The following IFT88 variants were observed in gnomAD, a reference collection of about 807,000 sequenced individuals.
IFT88 encodes intraflagellar transport protein 88 homolog.
Under a neutral mutation model 119.5 loss-of-function variants are expected in IFT88, and 74 were observed. The ratio of observed to expected loss-of-function variants is 0.62; its 90% CI spans 0.51 to 0.75. The LOEUF is 0.75. Among genes scored for constraint, IFT88 ranks in the 30% least tolerant of loss-of-function variants. The pLI, the probability that IFT88 is intolerant of heterozygous loss-of-function variation, is 0.00. For missense variants in IFT88, 961 were observed against 977.7 expected, an observed-to-expected ratio of 0.98 and a Z score of 0.23; for synonymous variants, 279 against 316.7, an observed-to-expected ratio of 0.88 and a Z score of 1.26.
intron 24 of IFT88, among the ~76,000 whole-genome samples, chr13:20,687,335 G>T (rs534573454): frequency 1.3e-5 from 2 of 152,100 alleles, no homozygotes; most frequent in Non-Finnish European, 2.9e-5. Flanking sequence ...TTTGTGGGGC[G>T]AGCCAAACTG....
intron 3 of IFT88, among the ~76,000 whole-genome samples, chr13:20,586,745 C>G (rs950787645): frequency 2.6e-5 from 4 of 152,160 alleles, no homozygotes; most frequent in African/African-American, 9.7e-5. Context: ...TTTCTTAAGA[C>G]CTGGAGCCAA....
intron 9 of IFT88, among the ~76,000 whole-genome samples, chr13:20,598,293 A>G (rs1286961110): frequency 2.0e-5 from 3 of 152,190 alleles, no homozygotes; most frequent in African/African-American, 7.2e-5. Context: ...AAGGTTTAAG[A>G]TATTTCCACG....
At chr13:20,626,463 G>A (rs1279028904) in intron 15 of IFT88, among the ~76,000 whole-genome samples, 2 of 152,148 alleles carry the variant, frequency 1.3e-5, no homozygotes, top group African/African-American at 4.8e-5. Flanking sequence ...TTTTCAAAGT[G>A]TTCCCCAAAG....
At chr13:20,632,590 T>G (rs1293923310) in intron 16 of IFT88, among the ~76,000 whole-genome samples, 3 of 152,238 alleles carry the variant, frequency 2.0e-5, no homozygotes, top group African/African-American at 7.2e-5. Context: ...TATTGCATTA[T>G]CCAACCCCTT....
At chr13:20,618,666 C>T (rs1421158327) in intron 14 of IFT88, among the ~76,000 whole-genome samples, 2 of 152,032 alleles carry the variant, frequency 1.3e-5, no homozygotes, top group East Asian at 1.9e-4. Flanking sequence ...TGGGATAGAA[C>T]ATCTATATTT....
chr13:20,604,118 T>A (rs543299319), intron 12 of IFT88, among the ~76,000 whole-genome samples: 2 of 152,094 alleles, frequency 1.3e-5, no homozygotes, highest in African/African-American at 4.8e-5. Flanking sequence ...GGCACATGTC[T>A]GTAGTCCCAC....
chr13:20,613,976 G>T (rs1174712746), intron 13 of IFT88, among the ~76,000 whole-genome samples: 1 of 152,224 alleles, frequency 6.6e-6, no homozygotes, highest in African/African-American at 2.4e-5. Context: ...TCTGCTAATG[G>T]ATATTATGTT....
chr13:20,599,542 T>C lies in IFT88; in HGVS notation c.789T>C (p.Val263=). Residue 263 remains valine, a synonymous_variant, in exon 11 of 26, where the codon GTT becomes GTC. Transcript: ENST00000351808. ...TCTACCGAATGGCATTAGACCAAGT[T>C]CCAAGTGTCAATAAGCAAATGAGGT... is the stretch of plus-strand genomic sequence containing the variant. ...IKFYRMALDQ[V]PSVNKQMRIK... 1 of 1,528,452 alleles carries C rather than the reference T, an allele frequency of 6.5e-7. No homozygotes were observed. The highest frequency in any genetic ancestry group is 1.2e-5 in the South Asian group (1 of 83,078). The allele number at this position is 1,528,452 out of a possible 1,614,324, so 94.7% of individuals were successfully genotyped here.
intron 14 of IFT88, among the ~76,000 whole-genome samples, chr13:20,622,161 G>A (rs768148077): frequency 3.9e-5 from 6 of 152,090 alleles, no homozygotes; most frequent in African/African-American, 1.2e-4. Flanking sequence ...CCTCCAATGA[G>A]CATTTTCTTT....
At chr13:20,574,578 A>C (rs1258260661) in intron 2 of IFT88, 103 bp downstream of exon 2, 2 of 545,054 alleles carry the variant, frequency 3.7e-6, no homozygotes, top group Admixed American at 3.6e-5. Context: ...AGATTAAATA[A>C]GCTGATTCAA....
At chr13:20,664,808 G>A (rs993382511) in intron 23 of IFT88, among the ~76,000 whole-genome samples, 8 of 152,126 alleles carry the variant, frequency 5.3e-5, no homozygotes, top group Non-Finnish European at 7.4e-5. Flanking sequence ...GACTGGGCAC[G>A]GTGGCTCACG....
chr13:20,677,354 AAATTC>A (rs1345410583), intron 24 of IFT88, among the ~76,000 whole-genome samples: 1 of 152,190 alleles, frequency 6.6e-6, no homozygotes, highest in African/African-American at 2.4e-5. Context: ...GAATGAGCTG[AAATTC>A]TCAGAGTAAG....
intron 20 of IFT88, 135 bp from the exon 21 acceptor site, chr13:20,653,741 C>T (rs977817466): frequency 8.5e-6 from 4 of 472,960 alleles, no homozygotes; most frequent in African/African-American, 2.0e-5. Flanking sequence ...AATTATATAT[C>T]TGCTGTTCTC....
At chr13:20,627,905 T>C (rs994540509) in intron 15 of IFT88, among the ~76,000 whole-genome samples, 2 of 152,228 alleles carry the variant, frequency 1.3e-5, no homozygotes, top group African/African-American at 2.4e-5. Flanking sequence ...CTGTTCCATT[T>C]GCATTTTCAA....
intron 22 of IFT88, among the ~76,000 whole-genome samples, chr13:20,661,696 G>T (rs1355104399): frequency 1.3e-5 from 2 of 151,116 alleles, no homozygotes; most frequent in African/African-American, 4.9e-5. Flanking sequence ...TATTGCGCCA[G>T]TGCACTCCAG....
rs573262727 is a variant in IFT88, at chr13:20,590,198, A to G, written c.210+331A>G. On this transcript the variant is annotated intron_variant, in intron 4 of 25. Coordinates refer to ENST00000351808, the MANE Select transcript of IFT88 (RefSeq NM_006531.5). The stretch of plus-strand genomic sequence containing the variant: ...AAGTTAGATTTTACATAAATGTAAT[A>G]GTGTATATAATTGGGAAACATTTAC... 3.9e-4 allele frequency among the ~76,000 whole-genome samples: 60 copies of G among 152,310 alleles called. 1 individual carries two copies. The highest frequency in any genetic ancestry group is 5.9e-4 in the Non-Finnish European group (40 of 67,990).
intron 13 of IFT88, chr13:20,607,764 T>C (rs1162215307): frequency 1.3e-6 from 1 of 749,428 alleles, no homozygotes; most frequent in East Asian, 2.5e-5. Flanking sequence ...AGAATGTCAT[T>C]GCCTTCAGCA....
Position 20,603,891 on chromosome 13 carries a change from T to C in IFT88, c.1042-1144T>C, listed in dbSNP as rs1202770196. Among the ~76,000 whole-genome samples the C allele has an allele frequency of 2.6e-5, 4 of 151,632 alleles. No individual in the cohort carries two copies. In the East Asian group the frequency reaches 5.8e-4, roughly 22 times the overall value. ...CTAGCTTGGGTGACAGAGTAAGACC[T>C]TGTCTCAAAAAAATAAAAAATTAGC... On this transcript the variant is annotated intron_variant, in intron 12 of 25. Coordinates refer to ENST00000351808, the MANE Select transcript of IFT88 (RefSeq NM_006531.5).
At position 20,690,985 on chromosome 13, in the gene IFT88, G is replaced by A. The variant is rs866975643; in HGVS notation, c.2354-69G>A. 4.5e-6 allele frequency: 7 copies of A among 1,567,810 alleles called. No individual in the cohort carries two copies. In the Admixed American group the frequency reaches 1.1e-4, roughly 24 times the overall value. Reference sequence around the variant, plus strand: ...TCTGAGTTATTCATTTTGACTATGAGCCTGATTGGTTTCACATTTGTTTTG... The same window carrying A: ...TCTGAGTTATTCATTTTGACTATGAACCTGATTGGTTTCACATTTGTTTTG... On this transcript the variant is annotated intron_variant, in intron 25 of 25. Coordinates refer to ENST00000351808, the MANE Select transcript of IFT88 (RefSeq NM_006531.5).
Sources: allele counts gnomAD v4.1 joint callset (sites outside exome capture counted in the v4.1 genomes callset), GRCh38; gene constraint gnomAD v4.1.1; transcripts MANE v1.5; gene names NCBI Gene and HGNC (gene_info 2026-07-23, HGNC 2026-07-21).